The following DAP variants were observed in gnomAD, a reference collection of about 807,000 sequenced individuals.
DAP encodes the protein death associated protein.
Under a neutral mutation model 13.8 loss-of-function variants are expected in DAP, and 8 were observed. That is an observed-to-expected ratio of 0.58 (90% confidence interval 0.34 to 1.05). DAP has a LOEUF of 1.05. Ranked by LOEUF, DAP falls within the 50% of genes least tolerant of loss-of-function variation. The pLI, the probability that DAP is intolerant of heterozygous loss-of-function variation, is 0.03. For missense variants in DAP, 106 were observed against 133.2 expected, an observed-to-expected ratio of 0.80 and a Z score of 1.01; for synonymous variants, 47 against 47.5, an observed-to-expected ratio of 0.99 and a Z score of 0.04.
intron 2 of DAP, among the ~76,000 whole-genome samples, chr5:10,684,658 T>A (rs1363465121): frequency 6.6e-6 from 1 of 152,264 alleles, no homozygotes; most frequent in Non-Finnish European, 1.5e-5. Flanking sequence ...ATCTGCCTTC[T>A]GAACTAAGGC....
chr5:10,723,804 A>G (rs3756412), intron 2 of DAP, among the ~76,000 whole-genome samples: 3,752 of 152,330 alleles, frequency 0.025, 83 homozygotes, highest in East Asian at 0.12. Flanking sequence ...CATTATCTTC[A>G]TCTTCATTAC....
chr5:10,737,100 C>T (rs758098118), intron 2 of DAP, among the ~76,000 whole-genome samples: 7 of 152,168 alleles, frequency 4.6e-5, no homozygotes, highest in Non-Finnish European at 8.8e-5. Flanking sequence ...AATCCCAACA[C>T]TTTGGGAGGC....
chr5:10,721,358 G>C (rs185140346), intron 2 of DAP, among the ~76,000 whole-genome samples: 1 of 152,134 alleles, frequency 6.6e-6, no homozygotes, highest in African/African-American at 2.4e-5. Flanking sequence ...GGAGGAACGC[G>C]GCTACCAGGA....
At chr5:10,752,648 G>A (rs1279862218) in intron 1 of DAP, among the ~76,000 whole-genome samples, 3 of 152,190 alleles carry the variant, frequency 2.0e-5, no homozygotes, top group African/African-American at 7.2e-5. Flanking sequence ...CTGTGTGTGT[G>A]TGTGTGTGCA....
intron 3 of DAP, 31 bp from the exon 4 acceptor site, chr5:10,681,200 T>C (rs1289056015): frequency 2.7e-6 from 4 of 1,456,414 alleles, no homozygotes; most frequent in Non-Finnish European, 3.6e-6. Flanking sequence ...CTCAGGTTAA[T>C]CAATAGGAAG....
chr5:10,710,514 GCT>G (rs1219404805), intron 2 of DAP, among the ~76,000 whole-genome samples: 1 of 152,208 alleles, frequency 6.6e-6, no homozygotes, highest in Non-Finnish European at 1.5e-5. Flanking sequence ...GCCACAGAGC[GCT>G]CTGAGTGAGG....
At chr5:10,699,472 A>G (rs1181463387) in intron 2 of DAP, among the ~76,000 whole-genome samples, 1 of 152,264 alleles carries the variant, frequency 6.6e-6, no homozygotes, top group Admixed American at 6.5e-5. Flanking sequence ...CAAGAGGCCA[A>G]CAGGCCACAC....
At chr5:10,687,699 C>T (rs1261122455) in intron 2 of DAP, among the ~76,000 whole-genome samples, 1 of 152,096 alleles carries the variant, frequency 6.6e-6, no homozygotes, top group African/African-American at 2.4e-5. Flanking sequence ...ATGCTGTAAA[C>T]ACTGAAAATA....
intron 2 of DAP, among the ~76,000 whole-genome samples, chr5:10,723,400 C>A (rs1312015597): frequency 6.6e-6 from 1 of 152,226 alleles, no homozygotes; most frequent in Non-Finnish European, 1.5e-5. Context: ...TCTTCTAGGC[C>A]AGTCCTTGCT....
intron 2 of DAP, among the ~76,000 whole-genome samples, chr5:10,695,316 G>A (rs536825928): frequency 6.6e-6 from 1 of 152,240 alleles, no homozygotes; most frequent in Non-Finnish European, 1.5e-5. Context: ...GCCAGGCACT[G>A]CGGGCGAGGG....
chr5:10,698,440 C>T (rs1041621662), intron 2 of DAP, among the ~76,000 whole-genome samples: 6 of 152,080 alleles, frequency 3.9e-5, no homozygotes, highest in East Asian at 3.9e-4. Flanking sequence ...TAGCAAACAC[C>T]GCCGAGTATT....
intron 2 of DAP, among the ~76,000 whole-genome samples, chr5:10,702,190 C>T (rs1002415967): frequency 2.6e-5 from 4 of 152,168 alleles, no homozygotes; most frequent in East Asian, 1.9e-4. Flanking sequence ...TGGTCTGGTG[C>T]GCACACATAC....
At chr5:10,724,898 A>C (rs756625626) in intron 2 of DAP, among the ~76,000 whole-genome samples, 29 of 151,254 alleles carry the variant, frequency 1.9e-4, no homozygotes, top group South Asian at 4.2e-4. Context: ...CAGGGGGTGT[A>C]GCTCTCTACT....
At chr5:10,683,351 G>A in intron 3 of DAP, 178 bp downstream of exon 3, 1 of 731,720 alleles carries the variant, frequency 1.4e-6, no homozygotes, top group Non-Finnish European at 2.4e-6. Context: ...AGTCTGGCCT[G>A]CGGTCTGCAG....
At chr5:10,704,862 T>G (rs750439733) in intron 2 of DAP, among the ~76,000 whole-genome samples, 1 of 151,990 alleles carries the variant, frequency 6.6e-6, no homozygotes, top group African/African-American at 2.4e-5. Context: ...AGCTTAGAGG[T>G]AGACAGTCCC....
At chr5:10,695,326 G>T (rs984365934) in intron 2 of DAP, among the ~76,000 whole-genome samples, 1 of 152,270 alleles carries the variant, frequency 6.6e-6, no homozygotes, top group East Asian at 1.9e-4. Flanking sequence ...GCGGGCGAGG[G>T]CTGCTGGCAC....
intron 2 of DAP, among the ~76,000 whole-genome samples, chr5:10,745,082 A>T (rs565239498): frequency 8.1e-4 from 124 of 152,318 alleles, no homozygotes; most frequent in African/African-American, 2.9e-3. Context: ...AGCTCATTGC[A>T]CTCTGTAAGA....
chr5:10,751,594 C>A lies in DAP; in HGVS notation c.56-3323G>T, dbSNP rs562911002. On this transcript the variant is annotated intron_variant, in intron 1 of 3. Coordinates refer to ENST00000230895, the MANE Select transcript of DAP (RefSeq NM_004394.3). ...TATTACGGGCTGAATAGTGTCCCCC[C>A]AAAATTCATAGGTTGAAGTCCTAAC... 2.2e-4 allele frequency among the ~76,000 whole-genome samples: 34 copies of A among 152,306 alleles called. No homozygotes were observed. In the East Asian group the frequency reaches 6.2e-3, roughly 28 times the overall value.
rs142374262 is a variant in DAP at position 10,719,294 on chromosome 5, C to G, written c.152+28881G>C. 2.8e-3 allele frequency among the ~76,000 whole-genome samples: 424 copies of G among 152,328 alleles called. 4 individuals are homozygous for G. The highest frequency in any genetic ancestry group is 9.6e-3 in the African/African-American group (398 of 41,578). On this transcript the variant is annotated intron_variant, in intron 2 of 3. Coordinates refer to ENST00000230895, the MANE Select transcript of DAP (RefSeq NM_004394.3). ...TGTCAGCTTTGAGTGGGGTCCAGAA[C>G]AGGAGAGGGCTCTGCAACAGGTCCA...
Sources: gnomAD v4.1 joint callset for allele counts (sites outside exome capture counted in the v4.1 genomes callset) on GRCh38, gnomAD v4.1.1 for gene constraint, MANE v1.5 for transcripts, NCBI Gene and HGNC (gene_info 2026-07-23, HGNC 2026-07-21) for gene names.